The following SEMA5A variants were observed in gnomAD, a reference collection of about 807,000 sequenced individuals.
The protein encoded by SEMA5A is semaphorin-5A.
In SEMA5A, 55 loss-of-function variants were observed where a neutral mutation model predicts 135.5. The observed-to-expected ratio is 0.41, with a 90% confidence interval of 0.33 to 0.51. The LOEUF (loss-of-function observed/expected upper bound fraction) is 0.51. Ranked by LOEUF, SEMA5A falls within the 20% of genes least tolerant of loss-of-function variation. The pLI, the probability that SEMA5A is intolerant of heterozygous loss-of-function variation, is 0.37. For missense variants in SEMA5A, 1,290 were observed against 1,419.9 expected (o/e 0.91, Z 1.47); for synonymous variants, 580 against 546.5 (o/e 1.06, Z -0.85).
In SEMA5A at chr5:9,545,622, G is replaced by T. The variant is rs1327515975; in HGVS notation, c.-213C>A. 2 of 152,256 alleles carry T rather than the reference G, an allele frequency of 1.3e-5. No homozygotes were observed. The highest frequency in any genetic ancestry group is 2.9e-5 in the Non-Finnish European group (2 of 68,128). 9.4% of individuals were successfully genotyped at this position (152,256 alleles called of 1,614,324 possible). A position where few individuals can be genotyped will look rare whatever the true frequency, so the allele number is the denominator to read the frequency against. ...CGCTGGTGCCAGTCATCCAGCGCCT[G>T]GGGGCCAGAGCGGCTCCGAGGATCC... is the stretch of plus-strand genomic sequence containing the variant. On this transcript the variant is annotated 5_prime_UTR_variant, in exon 1 of 23. Coordinates refer to ENST00000382496, the MANE Select transcript of SEMA5A (RefSeq NM_003966.3). This position sits in a 1 kb window ranked among gnomAD's most constrained non-coding sequence, Gnocchi z 4.5.
chr5:9,084,024 C>A (rs182766904), intron 16 of SEMA5A, among the ~76,000 whole-genome samples: 21 of 152,160 alleles, frequency 1.4e-4, no homozygotes, highest in African/African-American at 5.1e-4. Flanking sequence ...AGTGGAATAT[C>A]ATTGCTAACA....
chr5:9,330,634 T>A (rs1380991637), intron 4 of SEMA5A, among the ~76,000 whole-genome samples: 1 of 152,060 alleles, frequency 6.6e-6, no homozygotes, highest in Non-Finnish European at 1.5e-5. Context: ...TTGGCAAATG[T>A]TGGACAAAAG....
At chr5:9,064,354 G>A (rs971342598) in intron 17 of SEMA5A, among the ~76,000 whole-genome samples, 2 of 152,182 alleles carry the variant, frequency 1.3e-5, no homozygotes, top group African/African-American at 4.8e-5. Context: ...GTATGTTTAT[G>A]GAGGCACTAT....
chr5:9,347,351 CA>C (rs1446140622), intron 3 of SEMA5A, among the ~76,000 whole-genome samples: 4 of 152,280 alleles, frequency 2.6e-5, no homozygotes, highest in Non-Finnish European at 5.9e-5. Context: ...AAAATATTCA[CA>C]AACTACAACT....
At chr5:9,463,204 C>T (rs1364915913) in intron 1 of SEMA5A, among the ~76,000 whole-genome samples, 1 of 152,090 alleles carries the variant, frequency 6.6e-6, no homozygotes, top group Non-Finnish European at 1.5e-5. Flanking sequence ...ACAGTGAAAG[C>T]GTTCTCAAGT....
chr5:9,305,006 G>T (rs1751791534), intron 5 of SEMA5A, among the ~76,000 whole-genome samples: 1 of 152,096 alleles, frequency 6.6e-6, no homozygotes, highest in Non-Finnish European at 1.5e-5. Flanking sequence ...CTCCTGGAAA[G>T]ATGCCTTCGG....
At chr5:9,285,884 G>T (rs1490703545) in intron 5 of SEMA5A, among the ~76,000 whole-genome samples, 1 of 152,154 alleles carries the variant, frequency 6.6e-6, no homozygotes, top group African/African-American at 2.4e-5. Context: ...TTCAAAATAC[G>T]CAGAAAAATA....
intron 4 of SEMA5A, among the ~76,000 whole-genome samples, chr5:9,323,648 CTTTT>C (rs1752731261): frequency 1.7e-5 from 2 of 114,846 alleles, no homozygotes; most frequent in Admixed American, 1.7e-4. Context: ...TTAAATGTTT[CTTTT>C]TTTCCTTTTT....
At chr5:9,319,812 T>C (rs560530949) in intron 4 of SEMA5A, among the ~76,000 whole-genome samples, 1 of 119,130 alleles carries the variant, frequency 8.4e-6, no homozygotes, top group South Asian at 3.0e-4. Context: ...AAATGTTGAC[T>C]ATTTTCACTA....
rs1579644953 is a variant in SEMA5A, at chr5:9,221,246, T to C, written c.646+3428A>G. Among the ~76,000 whole-genome samples, 6 of 152,212 alleles carry C rather than the reference T, an allele frequency of 3.9e-5. No homozygotes were observed. In the South Asian group the frequency reaches 1.0e-3, roughly 26 times the overall value. Reference sequence around the variant, plus strand: ...ACTAAGGGTGTTTGTTTTTAGCTTGTTGCGGTTTCTTTGTTTTTGTCTTAC... The same window carrying C: ...ACTAAGGGTGTTTGTTTTTAGCTTGCTGCGGTTTCTTTGTTTTTGTCTTAC... On this transcript the variant is annotated intron_variant, in intron 8 of 22. Coordinates refer to ENST00000382496, the MANE Select transcript of SEMA5A (RefSeq NM_003966.3).
chr5:9,105,781 C>T (rs1739880951), intron 16 of SEMA5A, among the ~76,000 whole-genome samples: 1 of 152,212 alleles, frequency 6.6e-6, no homozygotes, highest in Middle Eastern at 3.2e-3. Context: ...TTTTTTTATA[C>T]TTACAGCTAC....
chr5:9,492,486 A>G (rs1157853102), intron 1 of SEMA5A, among the ~76,000 whole-genome samples: 2 of 152,196 alleles, frequency 1.3e-5, no homozygotes, highest in Non-Finnish European at 2.9e-5. Context: ...ACCAGGCTCT[A>G]TGCATGCTGC....
intron 11 of SEMA5A, among the ~76,000 whole-genome samples, chr5:9,168,070 C>A (rs1743710556): frequency 1.3e-5 from 2 of 152,126 alleles, no homozygotes; most frequent in Non-Finnish European, 2.9e-5. Flanking sequence ...CCTCTCACTG[C>A]CCACTCCACT....
chr5:9,386,862 T>C (rs1755915363), intron 2 of SEMA5A, among the ~76,000 whole-genome samples: 1 of 152,254 alleles, frequency 6.6e-6, no homozygotes, highest in Non-Finnish European at 1.5e-5. Context: ...GCTAGTGTCC[T>C]ATGGACCATT....
chr5:9,049,796 A>G (rs1736466685), intron 21 of SEMA5A, among the ~76,000 whole-genome samples: 1 of 152,218 alleles, frequency 6.6e-6, no homozygotes, highest in African/African-American at 2.4e-5. Context: ...TATGTAAGGC[A>G]CAGACTGTAA....
chr5:9,270,497 G>A (rs1452607646), intron 5 of SEMA5A, among the ~76,000 whole-genome samples: 6 of 151,990 alleles, frequency 3.9e-5, no homozygotes, highest in Non-Finnish European at 7.4e-5. Flanking sequence ...AAGTCCCATA[G>A]GAAACAATAA....
chr5:9,359,959 T>C (rs1754619580), intron 3 of SEMA5A, among the ~76,000 whole-genome samples: 1 of 152,220 alleles, frequency 6.6e-6, no homozygotes, highest in East Asian at 1.9e-4. Flanking sequence ...CTAATAGATT[T>C]AAAAATTTTT....
intron 1 of SEMA5A, among the ~76,000 whole-genome samples, chr5:9,532,552 T>C (rs917246146): frequency 6.6e-6 from 1 of 151,612 alleles, no homozygotes. Context: ...CCTCCCAAAG[T>C]GCTGGGATTA....
At chr5:9,124,151 G>T (rs1023526188) in intron 13 of SEMA5A, among the ~76,000 whole-genome samples, 2 of 152,118 alleles carry the variant, frequency 1.3e-5, no homozygotes. Context: ...ACCTTATGGG[G>T]AGGGGTCAGG....
Sources: gnomAD v4.1 joint callset for allele counts (sites outside exome capture counted in the v4.1 genomes callset) on GRCh38, gnomAD v4.1.1 for gene constraint, Gnocchi (gnomAD v3.1) non-coding constraint, MANE v1.5 for transcripts, NCBI Gene and HGNC (gene_info 2026-07-23, HGNC 2026-07-21) for gene names.